Variants in TXLNB observed in about 807,000 individuals in gnomAD.
The protein encoded by TXLNB is beta-taxilin.
A neutral mutation model predicts 57.4 loss-of-function variants in TXLNB; 37 were observed. The ratio of observed to expected loss-of-function variants is 0.64; its 90% CI spans 0.50 to 0.85. TXLNB has a LOEUF of 0.85. TXLNB is among the 40% of genes least tolerant of loss of function. The pLI is 0.00. For synonymous variants in TXLNB, 302 were observed against 309.6 expected (o/e 0.98, Z 0.26); for missense variants, 848 against 825.6 (o/e 1.03, Z -0.33).
At chr6:139,211,629 A>G in the TXLNB span, among the ~76,000 whole-genome samples, 1 of 152,238 alleles carries the variant, frequency 6.6e-6, no homozygotes, top group Non-Finnish European at 1.5e-5. Flanking sequence ...AGCTGGATGG[A>G]GAATGACTTT....
At chr6:139,165,483 T>C in the TXLNB span, among the ~76,000 whole-genome samples, 6 of 152,156 alleles carry the variant, frequency 3.9e-5, 1 homozygote, top group South Asian at 1.2e-3. Context: ...GACAAATGTA[T>C]AATGACGTGT....
At chr6:139,252,443 T>C (rs1776231515) in intron 7 of TXLNB, among the ~76,000 whole-genome samples, 1 of 152,212 alleles carries the variant, frequency 6.6e-6, no homozygotes, top group African/African-American at 2.4e-5. Flanking sequence ...AGGACCTCTA[T>C]TTTATTCTTG....
At chr6:139,232,833 T>G in the TXLNB span, among the ~76,000 whole-genome samples, 1 of 152,226 alleles carries the variant, frequency 6.6e-6, no homozygotes, top group Non-Finnish European at 1.5e-5. Context: ...TTTACCACAT[T>G]CGTATTTTTC....
the TXLNB span, among the ~76,000 whole-genome samples, chr6:139,316,740 C>T: frequency 6.6e-6 from 1 of 152,178 alleles, no homozygotes; most frequent in Admixed American, 6.5e-5. Context: ...AAGACTGCTG[C>T]AATTAATGGT....
chr6:139,301,206 G>A, the TXLNB span, among the ~76,000 whole-genome samples: 1 of 152,190 alleles, frequency 6.6e-6, no homozygotes, highest in Admixed American at 6.5e-5. Flanking sequence ...CATGGTCTCT[G>A]TGGAAAGGAC....
At chr6:139,215,309 A>G in the TXLNB span, among the ~76,000 whole-genome samples, 3 of 152,210 alleles carry the variant, frequency 2.0e-5, no homozygotes, top group African/African-American at 7.2e-5. Context: ...CAGAGCCCTC[A>G]GAAATAATGC....
chr6:139,242,976 G>T lies in TXLNB; in HGVS notation c.1605C>A (p.Asp535Glu). The change falls in exon 10 of 10, where the codon GAC (aspartate) becomes GAA (glutamate). Residue 535 changes from aspartate (D) to glutamate (E), a missense_variant. Coordinates refer to ENST00000358430, the MANE Select transcript of TXLNB (RefSeq NM_153235.4). ...GTTGCTCTGGCTCCTTGAGAGCGGC[G>T]TCAGCACTCTCCTGAGAACTGCCTA... ...PEIGSSQESADAALKEPEQPP... is the reference protein window; with the variant it reads ...PEIGSSQESAEAALKEPEQPP... 1 of 1,614,160 alleles carries T rather than the reference G, an allele frequency of 6.2e-7. No homozygotes were observed. Among genetic ancestry groups the T allele is most frequent in the Non-Finnish European group, 8.5e-7 (1 of 1,180,028 alleles).
rs937750322 is a variant in TXLNB, at chr6:139,270,431, G to A, written c.687+25C>T. The A allele has an allele frequency of 6.3e-6, 10 of 1,595,442 alleles. No individual in the cohort carries two copies. In the African/African-American group the frequency reaches 1.2e-4, roughly 19 times the overall value. On this transcript the variant is annotated intron_variant, in intron 4 of 9. Transcript: ENST00000358430. Reference sequence around the variant, plus strand: ...CTCTGTGCCCCATTCAAGAAATTATGTTATTCTGAGGCATGGGGACATACC... The same window carrying A: ...CTCTGTGCCCCATTCAAGAAATTATATTATTCTGAGGCATGGGGACATACC...
the TXLNB span, among the ~76,000 whole-genome samples, chr6:139,313,639 T>G: frequency 0.025 from 3,734 of 152,250 alleles, 157 homozygotes; most frequent in African/African-American, 0.085. Flanking sequence ...CAGCTTGCTA[T>G]TAGAAAGTTT....
intron 7 of TXLNB, among the ~76,000 whole-genome samples, chr6:139,248,200 G>C (rs1776111664): frequency 6.6e-6 from 1 of 151,792 alleles, no homozygotes; most frequent in Admixed American, 6.6e-5. Flanking sequence ...GTGAACCTGG[G>C]AGGCGGAGCT....
the TXLNB span, chr6:139,170,024 C>G: frequency 2.6e-5 from 4 of 152,168 alleles, no homozygotes; most frequent in African/African-American, 9.7e-5. Context: ...TTTCTGACTT[C>G]ATATAGTTTA....
At chr6:139,215,697 G>A in the TXLNB span, among the ~76,000 whole-genome samples, 72 of 152,268 alleles carry the variant, frequency 4.7e-4, no homozygotes, top group Non-Finnish European at 8.5e-4. Context: ...GCAACCTACA[G>A]AATGGGAGAA....
At chr6:139,246,089 T>C (rs189932003) in intron 8 of TXLNB, among the ~76,000 whole-genome samples, 54 of 152,364 alleles carry the variant, frequency 3.5e-4, no homozygotes, top group African/African-American at 1.3e-3. Flanking sequence ...GCATCATTTT[T>C]TTTTATGGTA....
chr6:139,166,048 C>T, the TXLNB span: 1 of 443,978 alleles, frequency 2.3e-6, no homozygotes, highest in Non-Finnish European at 4.0e-6. Flanking sequence ...CAACCTAAAG[C>T]TCAGGATGAA....
chr6:139,193,851 T>TAC, the TXLNB span, among the ~76,000 whole-genome samples: 1 of 104,406 alleles, frequency 9.6e-6, no homozygotes, highest in Non-Finnish European at 2.2e-5. Flanking sequence ...TTTTTTTTTT[T>TAC]TTTTTTTTGA....
chr6:139,252,816 C>G (rs1776242103), intron 7 of TXLNB, among the ~76,000 whole-genome samples: 1 of 152,178 alleles, frequency 6.6e-6, no homozygotes, highest in Non-Finnish European at 1.5e-5. Context: ...ACGGTGAAAC[C>G]CTGTCTCTAC....
the TXLNB span, among the ~76,000 whole-genome samples, chr6:139,297,851 T>C: frequency 6.6e-6 from 1 of 152,204 alleles, no homozygotes; most frequent in African/African-American, 2.4e-5. Flanking sequence ...TATTGTATCA[T>C]CTCTTGGTTG....
intron 8 of TXLNB, among the ~76,000 whole-genome samples, chr6:139,246,995 T>C (rs552705807): frequency 2.6e-5 from 4 of 152,276 alleles, no homozygotes; most frequent in South Asian, 4.1e-4. Flanking sequence ...CACACCAGAA[T>C]TGAATTCAGG....
At chr6:139,220,054 T>C in the TXLNB span, among the ~76,000 whole-genome samples, 3 of 152,122 alleles carry the variant, frequency 2.0e-5, no homozygotes, top group African/African-American at 7.2e-5. Context: ...AAACTGATGG[T>C]ATTAGGAAGT....
Sources: allele counts gnomAD v4.1 joint callset (sites outside exome capture counted in the v4.1 genomes callset), GRCh38; gene constraint gnomAD v4.1.1; transcripts MANE v1.5; gene names NCBI Gene and HGNC (gene_info 2026-07-23, HGNC 2026-07-21).